Variants in OPA3 observed in about 807,000 individuals in gnomAD.
OPA3 encodes outer mitochondrial membrane lipid metabolism regulator OPA3, also known as optic atrophy 3 protein.
Under a neutral mutation model 4.0 loss-of-function variants are expected in OPA3, and 6 were observed. The ratio of observed to expected loss-of-function variants is 1.51; its 90% confidence interval spans 0.83 to 2.99. OPA3 has a LOEUF of 2.99. Ranked by LOEUF, OPA3 falls within the 30% of genes most tolerant of loss-of-function variation. The probability of loss-of-function intolerance (pLI) is 0.00; values close to 1 mark genes in which losing one functional copy is unlikely to be tolerated. For missense variants in OPA3, 235 were observed against 256.2 expected (o/e 0.92, Z 0.56); for synonymous variants, 105 against 117.1 (o/e 0.90, Z 0.67).
chr19:45,530,303 G>A (rs1969045176), intron 1 of OPA3, among the ~76,000 whole-genome samples: 1 of 152,026 alleles, frequency 6.6e-6, no homozygotes, highest in South Asian at 2.1e-4. Flanking sequence ...GCAGTGAGCC[G>A]AGATCATGCC....
chr19:45,565,486 C>T (rs535174912), intron 1 of OPA3, among the ~76,000 whole-genome samples: 2 of 151,168 alleles, frequency 1.3e-5, no homozygotes, highest in African/African-American at 2.4e-5. Flanking sequence ...AAAAATTAGC[C>T]GGGCATGGTG....
intron 1 of OPA3, among the ~76,000 whole-genome samples, chr19:45,572,500 G>C (rs1166144547): frequency 1.8e-5 from 2 of 111,978 alleles, no homozygotes; most frequent in Non-Finnish European, 3.9e-5. Flanking sequence ...AGATATATGA[G>C]ATATATATCA....
intron 1 of OPA3, among the ~76,000 whole-genome samples, chr19:45,567,700 T>TA (rs1969604525): frequency 6.6e-6 from 1 of 152,110 alleles, no homozygotes; most frequent in African/African-American, 2.4e-5. Flanking sequence ...TGCCAATAAT[T>TA]AAACATAAGA....
chr19:45,548,801 AT>A lies in OPA3; in HGVS notation c.*4712del, dbSNP rs886054518. On this transcript the variant is annotated 3_prime_UTR_variant, in exon 2 of 2. Coordinates refer to ENST00000263275, the MANE Select transcript of OPA3 (RefSeq NM_025136.4). ...AGGTTGACATGGACCTTATTTATTT[AT>A]TTATTTATTTATTTATTTAGAGATG... 28 of 737,754 alleles carry A rather than the reference AT, an allele frequency of 3.8e-5. No individual in the cohort carries two copies. Among genetic ancestry groups the A allele is most frequent in the Admixed American group, 6.4e-5 (1 of 15,718 alleles). The allele number at this position is 737,754 out of a possible 1,614,324, so 45.7% of individuals were successfully genotyped here.
At chr19:45,564,680 AGAC>A (rs1293614604) in intron 1 of OPA3, among the ~76,000 whole-genome samples, 3 of 152,172 alleles carry the variant, frequency 2.0e-5, no homozygotes, top group Non-Finnish European at 4.4e-5. Context: ...TCTGGGTCAA[AGAC>A]ATCCCAGTGG....
At chr19:45,565,327 T>C (rs982836205) in intron 1 of OPA3, among the ~76,000 whole-genome samples, 2 of 147,860 alleles carry the variant, frequency 1.4e-5, no homozygotes, top group Non-Finnish European at 3.0e-5. Flanking sequence ...ACTGCACGCA[T>C]TACATAATTT....
chr19:45,556,100 A>C (rs1969417364), intron 1 of OPA3, among the ~76,000 whole-genome samples: 1 of 152,162 alleles, frequency 6.6e-6, no homozygotes, highest in Non-Finnish European at 1.5e-5. Flanking sequence ...TTAATGAAGA[A>C]AAGTTTTACT....
intron 1 of OPA3, among the ~76,000 whole-genome samples, chr19:45,556,992 C>T (rs1267913134): frequency 6.6e-6 from 1 of 152,202 alleles, no homozygotes; most frequent in Admixed American, 6.5e-5. Flanking sequence ...CTGACAATGA[C>T]ACTCGCCAGA....
At position 45,548,007 on chromosome 19, in the gene OPA3, T is replaced by C. The variant is rs116846670; in HGVS notation, c.*5507A>G. The C allele has an allele frequency of 2.2e-5, 14 of 640,636 alleles. No individual in the cohort carries two copies. Among genetic ancestry groups the C allele is most frequent in the African/African-American group, 4.0e-5 (2 of 50,512 alleles). 39.7% of individuals were successfully genotyped at this position (640,636 alleles called of 1,614,324 possible). ...CCACCACGCCTGGCCACTCTTTCCT[T>C]CTTTATTGCCGGTCTCTGGCACTAG... is the stretch of plus-strand genomic sequence containing the variant. On this transcript the variant is annotated 3_prime_UTR_variant, in exon 2 of 2. Coordinates refer to ENST00000263275, the MANE Select transcript of OPA3 (RefSeq NM_025136.4).
rs143022941 is a variant in OPA3, at chr19:45,552,137, T to C, written c.*1377A>G. On this transcript the variant is annotated 3_prime_UTR_variant, in exon 2 of 2. Transcript: ENST00000263275. ...TGCCATAGACTCAAGGATGAGGGGG[T>C]TCTGTTGGAATAGTCCACTTCGGGT... 6.1e-5 allele frequency: 60 copies of C among 985,044 alleles called. No homozygotes were observed. The African/African-American group carries it at 8.7e-4, about 14-fold the overall frequency. 61.0% of individuals were successfully genotyped at this position (985,044 alleles called of 1,614,324 possible). A position where few individuals can be genotyped will look rare whatever the true frequency, so the allele number is the denominator to read the frequency against.
rs147869359 is a variant in OPA3, at chr19:45,540,416, C to T, written c.143-10960G>A. Among the ~76,000 whole-genome samples the T allele has an allele frequency of 1.7e-3, 263 of 152,046 alleles. No homozygotes were observed. The Middle Eastern group carries it at 0.02, about 12-fold the overall frequency. On this transcript the variant is annotated intron_variant, in intron 1 of 1. Transcript: ENST00000323060. ...TGCTGTTTAAACAAACAAACCAGGC[C>T]AGGACACGGTGGCTCATACCTGTAG...
chr19:45,574,789 C>G (rs1273499868), intron 1 of OPA3, among the ~76,000 whole-genome samples: 1 of 152,180 alleles, frequency 6.6e-6, no homozygotes, highest in Non-Finnish European at 1.5e-5. Context: ...TGGAAGATTC[C>G]AGGCCTTGCC....
Position 45,548,667 on chromosome 19 carries a change from T to G in OPA3, c.*4847A>C. On this transcript the variant is annotated 3_prime_UTR_variant, in exon 2 of 2. Coordinates refer to ENST00000263275, the MANE Select transcript of OPA3 (RefSeq NM_025136.4). ...TTTGTGTTTTATTTTTTTTATTTTT[T>G]TTTTTTTTGCGGGAGACGCCCTACC... 1 of 983,234 alleles carries G rather than the reference T, an allele frequency of 1.0e-6. No individual in the cohort carries two copies. 60.9% of individuals were successfully genotyped at this position (983,234 alleles called of 1,614,324 possible). A position where few individuals can be genotyped will look rare whatever the true frequency, so the allele number is the denominator to read the frequency against.
intron 1 of OPA3, among the ~76,000 whole-genome samples, chr19:45,530,402 A>G (rs1425039310): frequency 6.6e-6 from 1 of 151,738 alleles, no homozygotes; most frequent in Non-Finnish European, 1.5e-5. Context: ...CTCCCCCTCA[A>G]CCCCATGAAC....
chr19:45,558,723 T>G (rs367588098), intron 1 of OPA3, among the ~76,000 whole-genome samples: 10 of 124,024 alleles, frequency 8.1e-5, no homozygotes, highest in Middle Eastern at 4.0e-3. Context: ...TGTTCTGCTG[T>G]TTTTTTTTTT....
In OPA3 at chr19:45,548,708, A is replaced by G; in HGVS notation, c.*4806T>C. ...ACGCCCTACCAAGGACACTGGGTCC[A>G]TGTCCCGGTGCGGGACCACCTCAGT... On this transcript the variant is annotated 3_prime_UTR_variant, in exon 2 of 2. Coordinates refer to ENST00000263275, the MANE Select transcript of OPA3 (RefSeq NM_025136.4). 13 of 981,442 alleles carry G rather than the reference A, an allele frequency of 1.3e-5. No homozygotes were observed. The highest frequency in any genetic ancestry group is 1.5e-5 in the Non-Finnish European group (12 of 826,896). The allele number at this position is 981,442 out of a possible 1,614,324, so 60.8% of individuals were successfully genotyped here.
At chr19:45,565,128 G>A (rs996405003) in intron 1 of OPA3, among the ~76,000 whole-genome samples, 17 of 152,128 alleles carry the variant, frequency 1.1e-4, no homozygotes, top group African/African-American at 2.4e-4. Flanking sequence ...CAGCTACTTC[G>A]GAGGCTGAGG....
At chr19:45,529,365 C>T (rs1214278375) in exon 2 of OPA3, 1 of 1,614,216 alleles carries the variant, frequency 6.2e-7, no homozygotes, top group South Asian at 1.1e-5. Flanking sequence ...CCGCGCCCAG[C>T]TCGGCGGCTG....
At chr19:45,543,428 C>A (rs1439711744), downstream of OPA3, among the ~76,000 whole-genome samples, 1 of 151,530 alleles carries the variant, frequency 6.6e-6, no homozygotes, top group Non-Finnish European at 1.5e-5. Flanking sequence ...TTAAGTGATT[C>A]TCCTGCCTCA....
Sources: gnomAD v4.1 joint callset for allele counts (sites outside exome capture counted in the v4.1 genomes callset) on GRCh38, gnomAD v4.1.1 for gene constraint, MANE v1.5 for transcripts, NCBI Gene and HGNC (gene_info 2026-07-23, HGNC 2026-07-21) for gene names.